The following ULK4 variants were observed in gnomAD, a reference collection of about 807,000 sequenced individuals.
ULK4 encodes inactive serine/threonine-protein kinase ULK4.
In ULK4, 133 loss-of-function variants were observed where a neutral mutation model predicts 160.6. The observed-to-expected ratio is 0.83, with a 90% CI of 0.72 to 0.96. ULK4 has a LOEUF of 0.96. Among genes scored for constraint, ULK4 ranks in the 40% least tolerant of loss-of-function variants. ULK4 has a pLI of 0.00. For synonymous variants in ULK4, 534 were observed against 539.8 expected, an observed-to-expected ratio of 0.99 and a Z score of 0.15; for missense variants, 1,580 against 1,499.5, an observed-to-expected ratio of 1.05 and a Z score of -0.89.
At chr3:41,878,044 A>G (rs529756401) in intron 17 of ULK4, among the ~76,000 whole-genome samples, 58 of 151,316 alleles carry the variant, frequency 3.8e-4, no homozygotes, top group African/African-American at 9.9e-4. Flanking sequence ...TTAAGAAACA[A>G]TAGTACCTAG....
chr3:41,925,487 G>A (rs1210526113), intron 5 of ULK4, among the ~76,000 whole-genome samples: 1 of 152,200 alleles, frequency 6.6e-6, no homozygotes, highest in Non-Finnish European at 1.5e-5. Context: ...CGTTGGGGCA[G>A]ACACCAAGCT....
chr3:41,626,157 G>A (rs2033495445), intron 30 of ULK4, among the ~76,000 whole-genome samples: 1 of 152,136 alleles, frequency 6.6e-6, no homozygotes, highest in African/African-American at 2.4e-5. Flanking sequence ...ATTAACAAAG[G>A]AGGTAGTGTT....
chr3:41,569,168 T>C (rs909335947), intron 31 of ULK4, among the ~76,000 whole-genome samples: 1 of 152,152 alleles, frequency 6.6e-6, no homozygotes, highest in African/African-American at 2.4e-5. Context: ...GGGGTTCTGT[T>C]ATAGGTCCTT....
intron 20 of ULK4, among the ~76,000 whole-genome samples, chr3:41,795,840 G>A (rs182324995): frequency 1.3e-5 from 2 of 152,308 alleles, no homozygotes; most frequent in Non-Finnish European, 2.9e-5. Flanking sequence ...GTGAGAGATG[G>A]CAGTGGCCTG....
In ULK4 at chr3:41,246,659, A is replaced by G. The variant is rs995481104; in HGVS notation, c.*270T>C. Reference sequence around the variant, plus strand: ...GTGCTAACCTTAGCCCACCTGGCCCACACAGAGAGGGAAAGAACATTTCTG... The same window carrying G: ...GTGCTAACCTTAGCCCACCTGGCCCGCACAGAGAGGGAAAGAACATTTCTG... On this transcript the variant is annotated 3_prime_UTR_variant, in exon 37 of 37. Coordinates refer to ENST00000301831, the MANE Select transcript of ULK4 (RefSeq NM_017886.4). 1 of 438,144 alleles carries G rather than the reference A, an allele frequency of 2.3e-6. No homozygotes were observed. The highest frequency in any genetic ancestry group is 3.7e-5 in the East Asian group (1 of 26,708). 27.1% of individuals were successfully genotyped at this position (438,144 alleles called of 1,614,324 possible).
intron 18 of ULK4, among the ~76,000 whole-genome samples, chr3:41,831,531 A>ATATATATAGATATAT: frequency 0.011 from 1,526 of 138,096 alleles, 54 homozygotes; most frequent in African/African-American, 0.039. Context: ...ATATATATAT[A>ATATATATAGATATAT]TTTTTTTTTC....
At chr3:41,418,768 C>T (rs1307081205) in intron 34 of ULK4, among the ~76,000 whole-genome samples, 1 of 152,178 alleles carries the variant, frequency 6.6e-6, no homozygotes, top group Non-Finnish European at 1.5e-5. Context: ...CCAAATGCAC[C>T]TACTATGAGT....
chr3:41,794,213 GAAC>G (rs1559557100), intron 20 of ULK4, among the ~76,000 whole-genome samples: 2 of 152,170 alleles, frequency 1.3e-5, no homozygotes, highest in African/African-American at 2.4e-5. Context: ...GTTACAAGTG[GAAC>G]AACATGTAGA....
chr3:41,690,475 A>T (rs2036259591), intron 27 of ULK4, among the ~76,000 whole-genome samples: 1 of 150,694 alleles, frequency 6.6e-6, no homozygotes. Flanking sequence ...TTAAAAAAGA[A>T]AAAAAAAACT....
chr3:41,385,347 G>T (rs1451206580), intron 35 of ULK4, among the ~76,000 whole-genome samples: 2 of 152,130 alleles, frequency 1.3e-5, no homozygotes, highest in African/African-American at 2.4e-5. Flanking sequence ...AGATGCTGTA[G>T]AGAGAGTAGG....
intron 35 of ULK4, among the ~76,000 whole-genome samples, chr3:41,282,052 T>C (rs2079366169): frequency 2.0e-5 from 3 of 152,142 alleles, no homozygotes; most frequent in South Asian, 4.1e-4. Flanking sequence ...CCATTCACAA[T>C]TGCTTCAAAG....
rs1485162844 is a variant in ULK4 at position 41,828,531 on chromosome 3, A to G, written c.1764+7333T>C. ...CAGACAGAGAGCCAAATCATGAGTG[A>G]ACTCCCATTCACAACTGCTTCAAAG... is the stretch of plus-strand genomic sequence containing the variant. On this transcript the variant is annotated intron_variant, in intron 18 of 36. Transcript: ENST00000301831. 1.5e-5 allele frequency among the ~76,000 whole-genome samples: 2 copies of G among 135,602 alleles called. 1 individual carries two copies. Among genetic ancestry groups the G allele is most frequent in the Non-Finnish European group, 3.1e-5 (2 of 65,482 alleles). The allele number at this position is 135,602 out of a possible 152,430, so 89.0% of individuals were successfully genotyped here.
At chr3:41,698,579 C>T (rs2036572634) in intron 27 of ULK4, among the ~76,000 whole-genome samples, 1 of 152,172 alleles carries the variant, frequency 6.6e-6, no homozygotes, top group Admixed American at 6.5e-5. Flanking sequence ...AAATCTGAAG[C>T]ACTTCTGGTC....
chr3:41,387,887 C>A (rs1414245590), intron 35 of ULK4, among the ~76,000 whole-genome samples: 1 of 152,048 alleles, frequency 6.6e-6, no homozygotes, highest in African/African-American at 2.4e-5. Context: ...GAGTATATAC[C>A]CAGTAATGGG....
intron 27 of ULK4, among the ~76,000 whole-genome samples, chr3:41,702,632 A>G (rs930244498): frequency 6.6e-6 from 1 of 152,116 alleles, no homozygotes; most frequent in Non-Finnish European, 1.5e-5. Context: ...AGATATAAAG[A>G]GGGCGACTTC....
chr3:41,915,921 ACTC>A, intron 8 of ULK4, 53 bp downstream of exon 8: 2 of 1,206,400 alleles, frequency 1.7e-6, no homozygotes, highest in South Asian at 2.7e-5. Context: ...ACTGCCCCTT[ACTC>A]CATTTGCAGA....
chr3:41,747,678 T>TG (rs911210048), intron 22 of ULK4, among the ~76,000 whole-genome samples: 9 of 152,026 alleles, frequency 5.9e-5, no homozygotes, highest in Admixed American at 1.3e-4. Flanking sequence ...TGACACCATG[T>TG]GGGGGGGCAC....
chr3:41,366,579 T>A (rs905072586), intron 35 of ULK4, among the ~76,000 whole-genome samples: 1 of 148,490 alleles, frequency 6.7e-6, no homozygotes, highest in Admixed American at 6.6e-5. Flanking sequence ...ACACACTTTA[T>A]CTATATACCT....
At chr3:41,335,734 CAA>C (rs5848598) in intron 35 of ULK4, among the ~76,000 whole-genome samples, 4 of 148,110 alleles carry the variant, frequency 2.7e-5, no homozygotes, top group South Asian at 2.1e-4. Context: ...AGCATGAGGG[CAA>C]AAAAAAAAAT....
Sources: gnomAD v4.1 joint callset for allele counts (sites outside exome capture counted in the v4.1 genomes callset) on GRCh38, gnomAD v4.1.1 for gene constraint, MANE v1.5 for transcripts, NCBI Gene and HGNC (gene_info 2026-07-23, HGNC 2026-07-21) for gene names.